The following CPNE8 variants were observed in gnomAD, a reference collection of about 807,000 sequenced individuals.
CPNE8 encodes the protein copine-8.
Under a neutral mutation model 81.5 loss-of-function variants are expected in CPNE8, and 45 were observed. The ratio of observed to expected loss-of-function variants is 0.55; its 90% CI spans 0.44 to 0.71. CPNE8 has a LOEUF of 0.71. CPNE8 is among the 30% of genes least tolerant of loss of function. The pLI, the probability that CPNE8 is intolerant of heterozygous loss-of-function variation, is 0.00. For missense variants in CPNE8, 594 were observed against 672.1 expected (o/e 0.88, Z 1.28); for synonymous variants, 252 against 226.3 (o/e 1.11, Z -1.02).
chr12:38,722,613 A>G (rs1940593809), intron 13 of CPNE8, among the ~76,000 whole-genome samples: 1 of 152,196 alleles, frequency 6.6e-6, no homozygotes, highest in South Asian at 2.1e-4. Context: ...ACTGTTATTC[A>G]TCATGAAGTT....
intron 3 of CPNE8, among the ~76,000 whole-genome samples, chr12:38,860,514 T>C (rs1376338510): frequency 6.6e-6 from 1 of 150,914 alleles, no homozygotes; most frequent in Non-Finnish European, 1.5e-5. Flanking sequence ...TTCCAAAAAT[T>C]AAAAATATTT....
At chr12:38,755,239 G>GTAAAAAT (rs1555153583) in intron 10 of CPNE8, among the ~76,000 whole-genome samples, 1 of 152,074 alleles carries the variant, frequency 6.6e-6, no homozygotes, top group African/African-American at 2.4e-5. Flanking sequence ...ATACAGAGTG[G>GTAAAAAT]TAAAAATGAA....
intron 10 of CPNE8, among the ~76,000 whole-genome samples, chr12:38,749,111 C>T (rs1941299956): frequency 6.6e-6 from 1 of 152,022 alleles, no homozygotes; most frequent in African/African-American, 2.4e-5. Flanking sequence ...GGGGGCGGGT[C>T]TTTCTCATGT....
At chr12:38,873,309 T>A (rs1944019330) in intron 2 of CPNE8, among the ~76,000 whole-genome samples, 1 of 152,204 alleles carries the variant, frequency 6.6e-6, no homozygotes, top group Non-Finnish European at 1.5e-5. Flanking sequence ...AATAAGTACT[T>A]GCTAAGGTCT....
At chr12:38,903,739 C>T (rs1435548887) in intron 1 of CPNE8, among the ~76,000 whole-genome samples, 2 of 152,184 alleles carry the variant, frequency 1.3e-5, no homozygotes, top group East Asian at 3.8e-4. Flanking sequence ...AGTAACTTCC[C>T]TCTAACATCG....
At chr12:38,754,050 G>C (rs1565598737) in intron 10 of CPNE8, among the ~76,000 whole-genome samples, 1 of 152,172 alleles carries the variant, frequency 6.6e-6, no homozygotes, top group East Asian at 1.9e-4. Context: ...ACATTCCAAA[G>C]TGGCAAAGTA....
intron 6 of CPNE8, among the ~76,000 whole-genome samples, chr12:38,784,712 G>C (rs1315416667): frequency 6.6e-6 from 1 of 151,992 alleles, no homozygotes; most frequent in African/African-American, 2.4e-5. Context: ...ACACAAAAGA[G>C]TGGCATGACA....
At position 38,741,470 on chromosome 12, in the gene CPNE8, C is replaced by T. The variant is rs529635761; in HGVS notation, c.723-11112G>A. Among the ~76,000 whole-genome samples, 788 of 152,234 alleles carry T rather than the reference C, an allele frequency of 5.2e-3. 8 individuals are homozygous for T. Among genetic ancestry groups the T allele is most frequent in the African/African-American group, 0.018 (760 of 41,542 alleles). On this transcript the variant is annotated intron_variant, in intron 10 of 19. Coordinates refer to ENST00000331366, the MANE Select transcript of CPNE8 (RefSeq NM_153634.3). Reference sequence around the variant, plus strand: ...TTAATAAATGTTGCTGGGAAACTGGCTAGCCATATGTAGAAAGCTGAAACT... The same window carrying T: ...TTAATAAATGTTGCTGGGAAACTGGTTAGCCATATGTAGAAAGCTGAAACT...
chr12:38,807,421 A>G (rs1942835040), intron 6 of CPNE8, among the ~76,000 whole-genome samples: 1 of 151,848 alleles, frequency 6.6e-6, no homozygotes, highest in Non-Finnish European at 1.5e-5. Flanking sequence ...TCAATGGAAC[A>G]GAACAGAGCC....
At chr12:38,754,301 AG>A (rs1320293522) in intron 10 of CPNE8, among the ~76,000 whole-genome samples, 1 of 152,148 alleles carries the variant, frequency 6.6e-6, no homozygotes, top group Non-Finnish European at 1.5e-5. Context: ...CTTCTAGTAA[AG>A]GGCTGGTGTT....
chr12:38,850,933 A>T (rs889446625), intron 3 of CPNE8, among the ~76,000 whole-genome samples: 3 of 152,186 alleles, frequency 2.0e-5, no homozygotes, highest in Non-Finnish European at 4.4e-5. Context: ...TAAGATATAG[A>T]GCATTTAAGA....
At chr12:38,809,661 C>A (rs1341697524) in intron 6 of CPNE8, among the ~76,000 whole-genome samples, 2 of 152,146 alleles carry the variant, frequency 1.3e-5, no homozygotes, top group East Asian at 3.9e-4. Flanking sequence ...TCACTCCCTG[C>A]CCAGGTCCCT....
At chr12:38,811,758 G>A (rs1313768162) in intron 6 of CPNE8, among the ~76,000 whole-genome samples, 1 of 152,176 alleles carries the variant, frequency 6.6e-6, no homozygotes, top group African/African-American at 2.4e-5. Context: ...TGTAGTCCTA[G>A]CTATTTGGGA....
At position 38,653,764 on chromosome 12, in the gene CPNE8, A is replaced by G. The variant is rs1938757234; in HGVS notation, c.*118T>C. The G allele has an allele frequency of 7.2e-7, 1 of 1,380,540 alleles. No individual in the cohort carries two copies. The highest frequency in any genetic ancestry group is 1.5e-5 in the African/African-American group (1 of 66,444). The allele number at this position is 1,380,540 out of a possible 1,614,324, so 85.5% of individuals were successfully genotyped here. A position where few individuals can be genotyped will look rare whatever the true frequency, so the allele number is the denominator to read the frequency against. Reference sequence around the variant, plus strand: ...AATTTGGATCCAAGAAAGCACATTAACTGCTGAAACCAAACTGAGAAAACT... The same window carrying G: ...AATTTGGATCCAAGAAAGCACATTAGCTGCTGAAACCAAACTGAGAAAACT... On this transcript the variant is annotated 3_prime_UTR_variant, in exon 20 of 20. Transcript: ENST00000331366.
chr12:38,879,329 T>C (rs914426464), intron 1 of CPNE8, among the ~76,000 whole-genome samples: 1 of 151,832 alleles, frequency 6.6e-6, no homozygotes, highest in Non-Finnish European at 1.5e-5. Flanking sequence ...CTTTTTTTTT[T>C]CCTTTTTGCC....
At chr12:38,816,262 A>G (rs1262480608) in intron 6 of CPNE8, among the ~76,000 whole-genome samples, 1 of 152,190 alleles carries the variant, frequency 6.6e-6, no homozygotes, top group East Asian at 1.9e-4. Context: ...ATTATCCTGG[A>G]AAATTCAGTG....
In CPNE8 at chr12:38,799,986, C is replaced by T. The variant is rs1942616773; in HGVS notation, c.408-23685G>A. ...CGGCGCACCACGAGACTGTATCCCA[C>T]ACCTGGCTCAGAGGGTCCTACGCCC... On this transcript the variant is annotated intron_variant, in intron 6 of 19. Coordinates refer to ENST00000331366, the MANE Select transcript of CPNE8 (RefSeq NM_153634.3). 2.0e-5 allele frequency among the ~76,000 whole-genome samples: 3 copies of T among 147,176 alleles called. No homozygotes were observed. In the South Asian group the frequency reaches 6.8e-4, roughly 34 times the overall value.
intron 1 of CPNE8, among the ~76,000 whole-genome samples, chr12:38,883,318 G>C (rs1324932358): frequency 6.6e-6 from 1 of 152,006 alleles, no homozygotes; most frequent in Non-Finnish European, 1.5e-5. Flanking sequence ...ATATCATTCA[G>C]AACAAAATGA....
intron 19 of CPNE8, among the ~76,000 whole-genome samples, chr12:38,664,039 G>A (rs937013984): frequency 1.3e-5 from 2 of 151,978 alleles, no homozygotes; most frequent in African/African-American, 4.8e-5. Context: ...TAGATAGGAG[G>A]AATAAATTCT....
Sources: gnomAD v4.1 joint callset for allele counts (sites outside exome capture counted in the v4.1 genomes callset) on GRCh38, gnomAD v4.1.1 for gene constraint, MANE v1.5 for transcripts, NCBI Gene and HGNC (gene_info 2026-07-23, HGNC 2026-07-21) for gene names.